FBXO15: variants seen among roughly 807,000 people sequenced by gnomAD.
FBXO15 encodes F-box only protein 15.
A neutral mutation model predicts 49.5 loss-of-function variants in FBXO15; 30 were observed. The observed-to-expected ratio is 0.61, with a 90% confidence interval of 0.45 to 0.82. FBXO15 has a LOEUF of 0.82. Ranked by LOEUF, FBXO15 falls within the 40% of genes least tolerant of loss-of-function variation. The pLI, the probability that FBXO15 is intolerant of heterozygous loss-of-function variation, is 0.00. For synonymous variants in FBXO15, 250 were observed against 232.7 expected (o/e 1.07, Z -0.68); for missense variants, 591 against 631.5 (o/e 0.94, Z 0.69).
Position 74,109,384 on chromosome 18 carries a change from G to A in FBXO15, c.1138+13984C>T, listed in dbSNP as rs143182382. ...GAATGCTTTTACACTGTTGGTGGGAGTGTAAATTAGTGCAACCACTGTGGA... is the reference window on the plus strand; with the variant it reads ...GAATGCTTTTACACTGTTGGTGGGAATGTAAATTAGTGCAACCACTGTGGA... On this transcript the variant is annotated intron_variant, in intron 8 of 9. Transcript: ENST00000419743. Among the ~76,000 whole-genome samples, 351 of 152,322 alleles carry A rather than the reference G, an allele frequency of 2.3e-3. 1 individual carries two copies. Among genetic ancestry groups the A allele is most frequent in the African/African-American group, 8.1e-3 (337 of 41,572 alleles).
rs185468608 is a variant in FBXO15, at chr18:74,139,473, C to A, written c.227+729G>T. On this transcript the variant is annotated intron_variant, in intron 2 of 9. Transcript: ENST00000419743. ...GTCCTTAATGAAATATCCTTTCTGG[C>A]TTTTTTTAAAATACACTGAAATGTG... is the stretch of plus-strand genomic sequence containing the variant. Among the ~76,000 whole-genome samples, 378 of 152,254 alleles carry A rather than the reference C, an allele frequency of 2.5e-3. 4 individuals carry two copies. Among genetic ancestry groups the A allele is most frequent in the African/African-American group, 8.4e-3 (351 of 41,544 alleles).
intron 8 of FBXO15, among the ~76,000 whole-genome samples, chr18:74,103,961 C>A (rs1016966522): frequency 6.6e-6 from 1 of 152,072 alleles, no homozygotes; most frequent in East Asian, 1.9e-4. Flanking sequence ...AAATTAAGCA[C>A]AAAACTCAGA....
At chr18:74,139,649 G>C (rs1331286712) in intron 2 of FBXO15, among the ~76,000 whole-genome samples, 1 of 152,228 alleles carries the variant, frequency 6.6e-6, no homozygotes, top group Non-Finnish European at 1.5e-5. Context: ...ATGTCTCTCT[G>C]TGATCATCTC....
At chr18:74,147,051 A>T (rs1272684863) in intron 1 of FBXO15, 1 of 152,196 alleles carries the variant, frequency 6.6e-6, no homozygotes, top group South Asian at 2.1e-4. Flanking sequence ...GCATGCTGAT[A>T]CTTCTGATGC....
At chr18:74,141,097 C>T (rs1979045679) in intron 1 of FBXO15, among the ~76,000 whole-genome samples, 1 of 152,184 alleles carries the variant, frequency 6.6e-6, no homozygotes, top group Non-Finnish European at 1.5e-5. Context: ...AACAGTAGTG[C>T]ATCTTAGAAT....
chr18:74,086,071 C>A (rs1912723142), intron 8 of FBXO15, among the ~76,000 whole-genome samples: 1 of 151,994 alleles, frequency 6.6e-6, no homozygotes, highest in South Asian at 2.1e-4. Context: ...AGGTAATTAC[C>A]ACTCAGAAAG....
chr18:74,126,033 C>G lies in FBXO15; in HGVS notation c.854G>C (p.Cys285Ser), dbSNP rs1447083293. 1 of 1,614,080 alleles carries G rather than the reference C, an allele frequency of 6.2e-7. No individual in the cohort carries two copies. Among genetic ancestry groups the G allele is most frequent in the East Asian group, 2.2e-5 (1 of 44,876 alleles). The change falls in exon 6 of 10, where the codon TGT becomes TCT. Residue 285 changes from cysteine to serine, a missense_variant. Physicochemically the swap from Cys to Ser is moderately radical, Grantham distance 112 (BLOSUM62 -1). Coordinates refer to ENST00000419743, the MANE Select transcript of FBXO15 (RefSeq NM_001142958.2). ...SHLTISTMIG[C>S]DRLIRIFCLH... ...GCAGAAGATCCGAATGAGTCTGTCA[C>G]AGCCAATCATGGTAGATATGGTCAA...
chr18:74,130,447 C>T lies in FBXO15; in HGVS notation c.544G>A (p.Gly182Ser), dbSNP rs971662192. 1.9e-6 allele frequency: 3 copies of T among 1,614,016 alleles called. No homozygotes were observed. Among genetic ancestry groups the T allele is most frequent in the Non-Finnish European group, 2.5e-6 (3 of 1,180,014 alleles). Residue 182 changes from glycine to serine, a missense_variant, in exon 4 of 10, where the codon GGC (glycine) becomes AGC (serine). By Grantham distance (56) the Gly-to-Ser change is moderately conservative. Transcript: ENST00000419743. Reference sequence around the variant, plus strand: ...GCCTCTTTGGTCTTAACTGGAAGGCCTGTGTAAGGGTTGACAGGTTTGAGA... The same window carrying T: ...GCCTCTTTGGTCTTAACTGGAAGGCTTGTGTAAGGGTTGACAGGTTTGAGA... ...DILKPVNPYT[G>S]LPVKTKEALR... is the part of the protein sequence containing the mutation.
At chr18:74,079,083 C>T (rs878915850) in intron 9 of FBXO15, among the ~76,000 whole-genome samples, 7 of 152,066 alleles carry the variant, frequency 4.6e-5, no homozygotes, top group African/African-American at 1.7e-4. Flanking sequence ...AATATCTAGT[C>T]TAAATAAAAA....
intron 8 of FBXO15, among the ~76,000 whole-genome samples, chr18:74,092,588 T>C (rs1316367058): frequency 6.6e-6 from 1 of 152,156 alleles, no homozygotes; most frequent in Admixed American, 6.5e-5. Context: ...GGGGGTATGA[T>C]TGTGACGTAA....
intron 8 of FBXO15, among the ~76,000 whole-genome samples, chr18:74,090,749 C>CTG (rs1912988413): frequency 6.6e-6 from 1 of 152,098 alleles, no homozygotes; most frequent in African/African-American, 2.4e-5. Context: ...TTTTATTGTG[C>CTG]TGTGGTCCAA....
At chr18:74,080,702 C>G (rs533497095) in intron 9 of FBXO15, among the ~76,000 whole-genome samples, 61 of 152,286 alleles carry the variant, frequency 4.0e-4, no homozygotes, top group African/African-American at 1.3e-3. Context: ...GCTTAGTCTG[C>G]CCTACATAAA....
At chr18:74,112,689 G>A (rs987268129) in intron 8 of FBXO15, among the ~76,000 whole-genome samples, 4 of 152,152 alleles carry the variant, frequency 2.6e-5, no homozygotes, top group Non-Finnish European at 5.9e-5. Flanking sequence ...GGAAATAGAA[G>A]GTATCCTGAT....
At chr18:74,137,846 G>A (rs747097825) in intron 2 of FBXO15, among the ~76,000 whole-genome samples, 1 of 152,168 alleles carries the variant, frequency 6.6e-6, no homozygotes, top group South Asian at 2.1e-4. Context: ...TAATTTGTGC[G>A]TGTTCATTTT....
At chr18:74,134,910 C>T (rs1022797840) in intron 3 of FBXO15, among the ~76,000 whole-genome samples, 4 of 152,122 alleles carry the variant, frequency 2.6e-5, no homozygotes, top group South Asian at 2.1e-4. Context: ...CAGTTAAAAC[C>T]GGCATTCCCT....
intron 8 of FBXO15, among the ~76,000 whole-genome samples, chr18:74,104,812 GACAGGATACAAT>G (rs1235050834): frequency 6.6e-6 from 1 of 152,084 alleles, no homozygotes; most frequent in African/African-American, 2.4e-5. Context: ...TAAGGGAAGG[GACAGGATACAAT>G]ACAGTAATAA....
chr18:74,117,471 C>T (rs1322436955), intron 8 of FBXO15, among the ~76,000 whole-genome samples: 1 of 152,176 alleles, frequency 6.6e-6, no homozygotes, highest in Admixed American at 6.5e-5. Flanking sequence ...GACAGTCACA[C>T]ACACACACAA....
chr18:74,124,406 C>A, intron 7 of FBXO15, 83 bp downstream of exon 7: 1 of 1,119,132 alleles, frequency 8.9e-7, no homozygotes. Context: ...TGCAGCTATT[C>A]TCAGGATATT....
chr18:74,111,605 T>C (rs1914035526), intron 8 of FBXO15, among the ~76,000 whole-genome samples: 1 of 151,956 alleles, frequency 6.6e-6, no homozygotes, highest in Non-Finnish European at 1.5e-5. Flanking sequence ...ATCAACAATG[T>C]AAGCTTTCAC....
Sources: allele counts gnomAD v4.1 joint callset (sites outside exome capture counted in the v4.1 genomes callset), GRCh38; gene constraint gnomAD v4.1.1; transcripts MANE v1.5; gene names NCBI Gene and HGNC (gene_info 2026-07-23, HGNC 2026-07-21).